The following PRKAG1 variants were observed in gnomAD, a reference collection of about 807,000 sequenced individuals.
PRKAG1 encodes the protein 5'-AMP-activated protein kinase subunit gamma-1.
In PRKAG1, 27 loss-of-function variants were observed where a neutral mutation model predicts 48.2. That is an observed-to-expected ratio of 0.56 (90% confidence interval 0.41 to 0.77). The LOEUF (loss-of-function observed/expected upper bound fraction) is 0.77. Among genes scored for constraint, PRKAG1 ranks in the 30% least tolerant of loss-of-function variants. PRKAG1 has a pLI of 0.00. For synonymous variants in PRKAG1, 130 were observed against 147.7 expected (o/e 0.88, Z 0.87); for missense variants, 287 against 398.3 (o/e 0.72, Z 2.38).
intron 2 of PRKAG1, among the ~76,000 whole-genome samples, chr12:49,011,261 A>T (rs868758017): frequency 6.6e-6 from 1 of 152,250 alleles, no homozygotes; most frequent in South Asian, 2.1e-4. Flanking sequence ...CTACATTGAT[A>T]GTTAAATACT....
In PRKAG1 at chr12:49,005,191, A is replaced by G; in HGVS notation, c.310-26T>C. 1.2e-6 allele frequency: 2 copies of G among 1,614,038 alleles called. No individual in the cohort carries two copies. The highest frequency in any genetic ancestry group is 1.7e-6 in the Non-Finnish European group (2 of 1,179,890). The stretch of plus-strand genomic sequence containing the variant: ...CTGAAAGCAGAAGCAACAGAATTTG[A>G]GACCTGATCTCTCTGCTTCCTTAAG... On this transcript the variant is annotated intron_variant, in intron 5 of 11. Transcript: ENST00000548065. The surrounding 1 kb of genome is among the most constrained non-coding windows in gnomAD (Gnocchi z 4.1).
chr12:49,017,310 C>T (rs917205858), intron 1 of PRKAG1: 119 of 424,182 alleles, frequency 2.8e-4, no homozygotes, highest in African/African-American at 2.1e-3. Context: ...AAGCGATCCT[C>T]CCACCTGAGC....
rs1385139636 is a variant in PRKAG1, at chr12:49,004,509, A to T, written c.535T>A (p.Phe179Ile). ...GAACTGGGCTGAGGAGCACTTACAA[A>T]CAATTTGAGGAACTTCAGAATGCGC... Reference protein sequence around the residue: ...HKRILKFLKLFITEFPKPEFM... With the variant: ...HKRILKFLKLIITEFPKPEFM... Residue 179 changes from phenylalanine to isoleucine, a missense_variant and splice_region_variant, in exon 8 of 12, where the codon TTT (phenylalanine) becomes ATT (isoleucine). Phe to Ile is a conservative substitution (Grantham distance 21). Around this residue, in one of 2 missense-constraint regions of PRKAG1, gnomAD observed 224 missense variants for 344.3 expected, o/e 0.65. Coordinates refer to ENST00000548065, the MANE Select transcript of PRKAG1 (RefSeq NM_002733.5). 1 of 1,614,088 alleles carries T rather than the reference A, an allele frequency of 6.2e-7. No individual in the cohort carries two copies.
rs199818398 is a variant in PRKAG1, at chr12:49,005,435, T to C, written c.250+27A>G. ...CCTGCCCAGCACAAGATGCCAATAA[T>C]ATTGTGTTCCAGAAACTTTTGCTTA... is the stretch of plus-strand genomic sequence containing the variant. On this transcript the variant is annotated intron_variant, in intron 4 of 11. Transcript: ENST00000548065. This position sits in a 1 kb window ranked among gnomAD's most constrained non-coding sequence, Gnocchi z 4.1. The C allele has an allele frequency of 6.2e-7, 1 of 1,614,040 alleles. No homozygotes were observed. The highest frequency in any genetic ancestry group is 8.5e-7 in the Non-Finnish European group (1 of 1,180,020).
intron 2 of PRKAG1, among the ~76,000 whole-genome samples, chr12:49,011,318 A>G (rs1276681467): frequency 1.3e-5 from 2 of 152,054 alleles, no homozygotes. Flanking sequence ...TGGCTTTCTC[A>G]GTGTTTGTTT....
At chr12:49,018,620 T>C (rs1450015722) in intron 1 of PRKAG1, 112 bp downstream of exon 1, 23 of 1,583,042 alleles carry the variant, frequency 1.5e-5, no homozygotes, top group Middle Eastern at 1.7e-4. Context: ...CCGGCTGCTT[T>C]TTGTTTGCTA....
At chr12:49,007,690 G>A (rs541572419) in intron 2 of PRKAG1, among the ~76,000 whole-genome samples, 2 of 151,614 alleles carry the variant, frequency 1.3e-5, no homozygotes, top group East Asian at 3.9e-4. Context: ...TGTATTGCTA[G>A]TTTCCATTTT....
At chr12:49,014,648 C>T (rs1178707517) in intron 1 of PRKAG1, among the ~76,000 whole-genome samples, 3 of 152,214 alleles carry the variant, frequency 2.0e-5, no homozygotes, top group Admixed American at 6.5e-5. Context: ...GGATAAGGAA[C>T]ACGAATGTAC....
At chr12:49,018,421 T>G in intron 1 of PRKAG1, 1 of 1,280,938 alleles carries the variant, frequency 7.8e-7, no homozygotes, top group Non-Finnish European at 1.0e-6. Flanking sequence ...TAAAAGGGCT[T>G]GAGGTGCCAA....
Position 49,004,536 on chromosome 12 carries a change from TGTGGGTGAGGATGTACAAA to T in PRKAG1, c.489_507del (p.Leu164SerfsTer4), listed in dbSNP as rs1941438164. On this transcript the variant is annotated frameshift_variant, in exon 8 of 12. Transcript: ENST00000548065. LOFTEE classifies it high-confidence loss of function. ...AATTTGAGGAACTTCAGAATGCGCT[TGTGGGTGAGGATGTACAAA>T]GTATTGCCTGATTCTGGGTCAATAA... The T allele has an allele frequency of 1.9e-6, 3 of 1,614,106 alleles. No homozygotes were observed. Among genetic ancestry groups the T allele is most frequent in the Non-Finnish European group, 1.7e-6 (2 of 1,180,006 alleles).
rs1176639355 is a variant in PRKAG1, at chr12:49,003,157, AGCC to A, written c.872_874del (p.Arg291_Leu292delinsIle). ...TGGCCTCCCTACCTCTGCTTCCACT[AGCC>A]TGTTGATGATGGTCTCCAGAGTCTC... On this transcript the variant is annotated inframe_deletion, in exon 11 of 12. Coordinates refer to ENST00000548065, the MANE Select transcript of PRKAG1 (RefSeq NM_002733.5). 6.2e-7 allele frequency: 1 copy of A among 1,614,018 alleles called. No homozygotes were observed. The highest frequency in any genetic ancestry group is 8.5e-7 in the Non-Finnish European group (1 of 1,180,022).
chr12:49,005,754 T>C lies in PRKAG1; in HGVS notation c.157A>G (p.Thr53Ala), dbSNP rs767637720. The C allele has an allele frequency of 2.5e-6, 4 of 1,613,834 alleles. No individual in the cohort carries two copies. Among genetic ancestry groups the C allele is most frequent in the Non-Finnish European group, 3.4e-6 (4 of 1,179,698 alleles). Residue 53 changes from threonine to alanine, a missense_variant, in exon 3 of 12, where the codon ACG becomes GCG. Physicochemically the swap from Thr to Ala is moderately conservative, Grantham distance 58. Around this residue, in one of 2 missense-constraint regions of PRKAG1, gnomAD observed 224 missense variants for 344.3 expected, o/e 0.65. Transcript: ENST00000548065. This position sits in a 1 kb window ranked among gnomAD's most constrained non-coding sequence, Gnocchi z 4.1. ...PTSSKLVVFD[T>A]SLQVKKAFFA... is the part of the protein sequence containing the mutation. ...AGGATTTCACCCACCTGCAGGGACG[T>C]ATCAAATACAACCAATTTGGAGCTT...
In PRKAG1 at chr12:49,004,507, A is replaced by C. The variant is rs1941436333; in HGVS notation, c.537T>G (p.Phe179Leu). 1.2e-6 allele frequency: 2 copies of C among 1,614,106 alleles called. No individual in the cohort carries two copies. The highest frequency in any genetic ancestry group is 1.3e-5 in the African/African-American group (1 of 75,050). Residue 179 changes from phenylalanine (F) to leucine (L), a missense_variant and splice_region_variant, in exon 8 of 12, where the codon TTT (phenylalanine) becomes TTG (leucine). Coordinates refer to ENST00000548065, the MANE Select transcript of PRKAG1 (RefSeq NM_002733.5). ...AAGAACTGGGCTGAGGAGCACTTAC[A>C]AACAATTTGAGGAACTTCAGAATGC... is the stretch of plus-strand genomic sequence containing the variant. ...HKRILKFLKL[F>L]ITEFPKPEFM...
intron 2 of PRKAG1, 82 bp downstream of exon 2, chr12:49,012,980 G>C: frequency 7.3e-7 from 1 of 1,377,836 alleles, no homozygotes; most frequent in Non-Finnish European, 1.0e-6. Flanking sequence ...TTCCAGGGGA[G>C]AGATTCAAAA....
chr12:49,004,074 G>C (rs1941416034), intron 8 of PRKAG1, 152 bp from the exon 9 acceptor site: 1 of 1,062,282 alleles, frequency 9.4e-7, no homozygotes, highest in Non-Finnish European at 1.3e-6. Context: ...CATATTGCTT[G>C]AGCCCAGGAG....
intron 10 of PRKAG1, 122 bp downstream of exon 10, chr12:49,003,436 T>C: frequency 6.5e-7 from 1 of 1,534,492 alleles, no homozygotes; most frequent in Non-Finnish European, 8.9e-7. Flanking sequence ...AAATAGGATT[T>C]GAAAGCCTGG....
chr12:49,006,358 C>T (rs1033603559), intron 2 of PRKAG1, among the ~76,000 whole-genome samples: 2 of 151,656 alleles, frequency 1.3e-5, no homozygotes, highest in Non-Finnish European at 2.9e-5. Flanking sequence ...GGCAACACAG[C>T]GAACCCCTGT....
Position 49,018,574 on chromosome 12 carries a change from A to C in PRKAG1, c.9+158T>G, listed in dbSNP as rs911014159. On this transcript the variant is annotated intron_variant, in intron 1 of 11. Coordinates refer to ENST00000548065, the MANE Select transcript of PRKAG1 (RefSeq NM_002733.5). ...GTTCCAGGAGATGCGCCCAACGAAG[A>C]AGCGGAGGAACAGGGTCACGGGATA... 2.7e-6 allele frequency: 4 copies of C among 1,485,452 alleles called. No individual in the cohort carries two copies. The East Asian group carries it at 7.5e-5, about 28-fold the overall frequency. 92.0% of individuals were successfully genotyped at this position (1,485,452 alleles called of 1,614,324 possible). A position where few individuals can be genotyped will look rare whatever the true frequency, so the allele number is the denominator to read the frequency against.
At chr12:49,013,147 T>A (rs911898266) in intron 1 of PRKAG1, 37 bp from the exon 2 acceptor site, 5 of 1,577,274 alleles carry the variant, frequency 3.2e-6, no homozygotes, top group Middle Eastern at 1.7e-4. Flanking sequence ...CTTAACCTGG[T>A]TCCATCCATT....
Sources: allele counts gnomAD v4.1 joint callset (sites outside exome capture counted in the v4.1 genomes callset), GRCh38; gene constraint gnomAD v4.1.1; regional missense constraint gnomAD v4.1.1; non-coding constraint Gnocchi (gnomAD v3.1); transcripts MANE v1.5; gene names NCBI Gene and HGNC (gene_info 2026-07-23, HGNC 2026-07-21).